Variants in UFSP1 observed in about 807,000 individuals in gnomAD.
UFSP1 encodes UFM1 specific peptidase 1.
For synonymous variants in UFSP1, 119 were observed against 77.6 expected, an observed-to-expected ratio of 1.53 and a Z score of -2.81; for missense variants, 261 against 182.7, an observed-to-expected ratio of 1.43 and a Z score of -2.47.
Position 100,888,769 on chromosome 7 carries a change from T to G in UFSP1, c.*74A>C, listed in dbSNP as rs1027614568. 6.4e-7 allele frequency: 1 copy of G among 1,555,884 alleles called. No individual in the cohort carries two copies. The highest frequency in any genetic ancestry group is 8.7e-7 in the Non-Finnish European group (1 of 1,144,210). ...ATTATTGATGTCAAAAGCGCCAGGC[T>G]TTGCAGGGACACCAGTGGGAGGTAC... On this transcript the variant is annotated 3_prime_UTR_variant, in exon 1 of 1. Coordinates refer to ENST00000388761, the MANE Select transcript of UFSP1 (RefSeq NM_001015072.4).
rs946622422 is a variant in UFSP1, at chr7:100,888,839, G to A, written c.*4C>T. On this transcript the variant is annotated 3_prime_UTR_variant, in exon 1 of 1. Transcript: ENST00000388761. Reference sequence around the variant, plus strand: ...CCGAGAATCTCAGTTCTGTAACTTCGTCCTCAGTCCAAGGTGCGCTGCTGC... The same window carrying A: ...CCGAGAATCTCAGTTCTGTAACTTCATCCTCAGTCCAAGGTGCGCTGCTGC... The A allele has an allele frequency of 3.8e-6, 6 of 1,597,560 alleles. No homozygotes were observed. The highest frequency in any genetic ancestry group is 1.3e-5 in the African/African-American group (1 of 74,504).
Position 100,889,232 on chromosome 7 carries a change from A to T in UFSP1, c.40T>A (p.Trp14Arg). ...AGGCTGGCCTCCACGCAGCCGATCC[A>T]GTCCCGGGAGCCCCGGAAGCCGGGG... The change falls in exon 1 of 1, where the codon TGG becomes AGG. Residue 14 changes from tryptophan to arginine, a missense_variant. Physicochemically the swap from Trp to Arg is moderately radical, Grantham distance 101. Coordinates refer to ENST00000388761, the MANE Select transcript of UFSP1 (RefSeq NM_001015072.4). 6.4e-7 allele frequency: 1 copy of T among 1,565,408 alleles called. No homozygotes were observed. Among genetic ancestry groups the T allele is most frequent in the Non-Finnish European group, 8.6e-7 (1 of 1,158,266 alleles).
Sources: gnomAD v4.1 joint callset for allele counts on GRCh38, gnomAD v4.1.1 for gene constraint, MANE v1.5 for transcripts, NCBI Gene and HGNC (gene_info 2026-07-23, HGNC 2026-07-21) for gene names.